The following EDIL3 variants were observed in gnomAD, a reference collection of about 807,000 sequenced individuals.
EDIL3 encodes the protein EGF-like repeat and discoidin I-like domain-containing protein 3.
A neutral mutation model predicts 67.4 loss-of-function variants in EDIL3; 37 were observed. That is an observed-to-expected ratio of 0.55 (90% CI 0.42 to 0.72). The LOEUF (loss-of-function observed/expected upper bound fraction) is 0.72, where lower values mean the gene tolerates loss of function less well. EDIL3 is among the 30% of genes least tolerant of loss of function. EDIL3 has a pLI of 0.00. For synonymous variants in EDIL3, 195 were observed against 196.3 expected, an observed-to-expected ratio of 0.99 and a Z score of 0.05; for missense variants, 527 against 586.3, an observed-to-expected ratio of 0.90 and a Z score of 1.04.
At chr5:84,243,836 C>T (rs80237165) in intron 2 of EDIL3, among the ~76,000 whole-genome samples, 2,486 of 152,166 alleles carry the variant, frequency 0.016, 94 homozygotes, top group African/African-American at 0.056. Context: ...TTTATACTCT[C>T]AAAGGCCAAA....
intron 9 of EDIL3, among the ~76,000 whole-genome samples, chr5:83,970,199 A>G (rs1744766752): frequency 6.7e-6 from 1 of 149,888 alleles, no homozygotes; most frequent in Admixed American, 6.6e-5. Flanking sequence ...TTTAATCTAC[A>G]TAAATGTCAC....
rs58536621 is a variant in EDIL3 at position 84,160,744 on chromosome 5, TCTTTCCTTTCCTTTCCTTTC to T, written c.355+19629_355+19648del. Among the ~76,000 whole-genome samples the T allele has an allele frequency of 6.8e-3, 681 of 100,054 alleles. 10 individuals carry two copies. Among genetic ancestry groups the T allele is most frequent in the African/African-American group, 0.023 (559 of 24,538 alleles). 65.6% of individuals were successfully genotyped at this position (100,054 alleles called of 152,430 possible). A position where few individuals can be genotyped will look rare whatever the true frequency, so the allele number is the denominator to read the frequency against. On this transcript the variant is annotated intron_variant, in intron 4 of 10. Transcript: ENST00000296591. The stretch of plus-strand genomic sequence containing the variant: ...TTTTCTTCTTTTTTTTCTTTTCTTT[TCTTTCCTTTCCTTTCCTTTC>T]CTTTCCTTTCCTTTCCTTTCCTTTC...
At chr5:84,212,277 G>A (rs1744137768) in intron 3 of EDIL3, among the ~76,000 whole-genome samples, 1 of 152,048 alleles carries the variant, frequency 6.6e-6, no homozygotes, top group African/African-American at 2.4e-5. Flanking sequence ...TAAGAAACAG[G>A]AGAAAAGACA....
intron 2 of EDIL3, among the ~76,000 whole-genome samples, chr5:84,252,631 G>A (rs1745047361): frequency 6.6e-6 from 1 of 151,774 alleles, no homozygotes; most frequent in East Asian, 1.9e-4. Context: ...CAACTCGAAG[G>A]CACTGCCAAT....
chr5:84,023,989 T>C (rs1745767962), intron 9 of EDIL3, among the ~76,000 whole-genome samples: 1 of 152,184 alleles, frequency 6.6e-6, no homozygotes, highest in Non-Finnish European at 1.5e-5. Flanking sequence ...TTATATGTAG[T>C]GCATTAAAAT....
At chr5:83,974,489 ATT>A (rs973104792) in intron 9 of EDIL3, among the ~76,000 whole-genome samples, 15 of 151,888 alleles carry the variant, frequency 9.9e-5, no homozygotes, top group African/African-American at 3.6e-4. Flanking sequence ...TAAAAAAAAA[ATT>A]TTTTTGTTCA....
intron 5 of EDIL3, among the ~76,000 whole-genome samples, chr5:84,111,098 C>A (rs1032900906): frequency 5.9e-5 from 9 of 152,124 alleles, no homozygotes; most frequent in Non-Finnish European, 8.8e-5. Context: ...TCTCTCTTCA[C>A]ACTCACTCCT....
chr5:84,318,087 G>T (rs1308799676), intron 1 of EDIL3, among the ~76,000 whole-genome samples: 1 of 152,002 alleles, frequency 6.6e-6, no homozygotes, highest in East Asian at 1.9e-4. Flanking sequence ...AAATACCTAG[G>T]AATACAACTT....
At chr5:84,335,948 G>A (rs969475888) in intron 1 of EDIL3, among the ~76,000 whole-genome samples, 1 of 152,148 alleles carries the variant, frequency 6.6e-6, no homozygotes, top group African/African-American at 2.4e-5. Context: ...GATGGAGGAA[G>A]GTGGAAAAGC....
intron 9 of EDIL3, among the ~76,000 whole-genome samples, chr5:83,982,027 G>A (rs1010066528): frequency 1.3e-5 from 2 of 151,758 alleles, no homozygotes; most frequent in Admixed American, 1.3e-4. Flanking sequence ...GACCTGCTCC[G>A]GTATAGAAAC....
chr5:83,987,853 G>GA, intron 9 of EDIL3, among the ~76,000 whole-genome samples: 1 of 97,390 alleles, frequency 1.0e-5, no homozygotes, highest in African/African-American at 5.1e-5. Flanking sequence ...GCAGCTGATA[G>GA]GGTGTGTGTG....
intron 1 of EDIL3, among the ~76,000 whole-genome samples, chr5:84,267,879 G>A (rs968335484): frequency 6.6e-6 from 1 of 152,258 alleles, no homozygotes; most frequent in Non-Finnish European, 1.5e-5. Context: ...GCTCATGCCT[G>A]TAATCCTAAC....
At position 84,066,482 on chromosome 5, in the gene EDIL3, A is replaced by G. The variant is rs770489240; in HGVS notation, c.776T>C (p.Met259Thr). 8.1e-6 allele frequency: 13 copies of G among 1,609,510 alleles called. No homozygotes were observed. Among genetic ancestry groups the G allele is most frequent in the Admixed American group, 6.8e-5 (4 of 58,940 alleles). ...TTCATTGGTGCCTTTCACTTTGTAC[A>G]TTGCCCAAGTCTTTCCATCATTACT... ...AYSNDGKTWAMYKVKGTNEDM... is the reference protein window; with the variant it reads ...AYSNDGKTWATYKVKGTNEDM... Residue 259 changes from methionine (M) to threonine (T), a missense_variant, in exon 7 of 11, where the codon ATG (methionine) becomes ACG (threonine). Met to Thr is a moderately conservative substitution (Grantham distance 81). Transcript: ENST00000296591.
chr5:84,200,663 C>T (rs1334013173), intron 3 of EDIL3, among the ~76,000 whole-genome samples: 4 of 151,938 alleles, frequency 2.6e-5, no homozygotes, highest in African/African-American at 9.7e-5. Context: ...ACTAATTAGT[C>T]ATATAATTAT....
intron 3 of EDIL3, among the ~76,000 whole-genome samples, chr5:84,181,854 AG>A (rs1470651273): frequency 1.3e-5 from 2 of 152,168 alleles, no homozygotes; most frequent in Non-Finnish European, 2.9e-5. Flanking sequence ...CATATTTATA[AG>A]GAAAAGAAAA....
intron 5 of EDIL3, among the ~76,000 whole-genome samples, chr5:84,134,741 A>T (rs559854751): frequency 6.6e-6 from 1 of 152,160 alleles, no homozygotes; most frequent in Non-Finnish European, 1.5e-5. Flanking sequence ...ATAAAATAAA[A>T]GCAAACACCC....
intron 9 of EDIL3, among the ~76,000 whole-genome samples, chr5:84,038,946 T>A (rs1746071471): frequency 6.6e-6 from 1 of 152,216 alleles, no homozygotes; most frequent in Non-Finnish European, 1.5e-5. Flanking sequence ...CAGCATATTT[T>A]ATAGGCCTGA....
At chr5:84,116,479 T>C (rs1747667700) in intron 5 of EDIL3, among the ~76,000 whole-genome samples, 2 of 152,174 alleles carry the variant, frequency 1.3e-5, no homozygotes, top group Non-Finnish European at 2.9e-5. Context: ...GTCAGGGACC[T>C]AAACATTCTT....
chr5:84,009,444 C>G (rs979016413), intron 9 of EDIL3, among the ~76,000 whole-genome samples: 1 of 152,064 alleles, frequency 6.6e-6, no homozygotes, highest in African/African-American at 2.4e-5. Context: ...CTCCCTGGGA[C>G]TTAGTAAGCC....
Sources: gnomAD v4.1 joint callset for allele counts (sites outside exome capture counted in the v4.1 genomes callset) on GRCh38, gnomAD v4.1.1 for gene constraint, MANE v1.5 for transcripts, NCBI Gene and HGNC (gene_info 2026-07-23, HGNC 2026-07-21) for gene names.